Variants in MYO6 observed in about 807,000 individuals in gnomAD.
MYO6 encodes the protein myosin VI, also known as unconventional myosin-VI.
A neutral mutation model predicts 178.7 loss-of-function variants in MYO6; 74 were observed. The ratio of observed to expected loss-of-function variants is 0.41; its 90% CI spans 0.34 to 0.50. MYO6 has a LOEUF of 0.50. Ranked by LOEUF, MYO6 falls within the 20% of genes least tolerant of loss-of-function variation. The pLI is 0.09. For synonymous variants in MYO6, 477 were observed against 504.6 expected (o/e 0.95, Z 0.73); for missense variants, 1,330 against 1,547.4 (o/e 0.86, Z 2.36).
chr6:75,864,069 T>TAAC (rs553965864), intron 16 of MYO6, among the ~76,000 whole-genome samples: 30 of 151,916 alleles, frequency 2.0e-4, no homozygotes, highest in Admixed American at 3.9e-4. Flanking sequence ...ACAACATCAT[T>TAAC]AACAACAACA....
At chr6:75,859,575 C>T (rs1776016032) in intron 14 of MYO6, among the ~76,000 whole-genome samples, 1 of 152,066 alleles carries the variant, frequency 6.6e-6, no homozygotes, top group Non-Finnish European at 1.5e-5. Context: ...TCTGGGCTTA[C>T]AGGCGTGAGC....
chr6:75,827,723 G>C (rs1415648316), intron 3 of MYO6, among the ~76,000 whole-genome samples: 1 of 152,178 alleles, frequency 6.6e-6, no homozygotes, highest in East Asian at 1.9e-4. Context: ...CCATGAGCTG[G>C]CACTGTGCTG....
At chr6:75,760,682 G>A (rs1777867159) in intron 1 of MYO6, among the ~76,000 whole-genome samples, 1 of 150,820 alleles carries the variant, frequency 6.6e-6, no homozygotes, top group African/African-American at 2.4e-5. Flanking sequence ...TGAGAAACAG[G>A]TTTGGAATCA....
At chr6:75,914,782 A>T (rs376467470) in intron 34 of MYO6, 31 bp from the exon 35 acceptor site, 10 of 1,601,728 alleles carry the variant, frequency 6.2e-6, no homozygotes, top group Non-Finnish European at 6.0e-6. Context: ...GAAGAGAGAG[A>T]TGGTAATTTT....
intron 20 of MYO6, among the ~76,000 whole-genome samples, chr6:75,875,919 A>T (rs1282080500): frequency 6.6e-6 from 1 of 152,154 alleles, no homozygotes; most frequent in Admixed American, 6.5e-5. Flanking sequence ...ATGGCTTCAG[A>T]TGAGTATTAG....
At chr6:75,907,499 A>T in intron 30 of MYO6, 106 bp from the exon 31 acceptor site, 1 of 818,874 alleles carries the variant, frequency 1.2e-6, no homozygotes, top group Admixed American at 2.0e-5. Flanking sequence ...ATGTTTTTCT[A>T]GTAGCTGTTT....
chr6:75,870,623 A>G (rs1777068584), intron 18 of MYO6, 24 bp from the exon 19 acceptor site: 1 of 1,604,154 alleles, frequency 6.2e-7, no homozygotes, highest in Non-Finnish European at 8.5e-7. Flanking sequence ...TTGAAATAAT[A>G]AACTGATTTC....
chr6:75,917,301 A>G lies in MYO6; in HGVS notation c.*2289A>G, dbSNP rs1321514587. On this transcript the variant is annotated 3_prime_UTR_variant, in exon 35 of 35. Coordinates refer to ENST00000369977, the MANE Select transcript of MYO6 (RefSeq NM_004999.4). ...TTAAACCACTATATATAAAGAACTA[A>G]TCTTTTCTTAATACCAGTTCTTTCC... 2 of 152,682 alleles carry G rather than the reference A, an allele frequency of 1.3e-5. No homozygotes were observed. Among genetic ancestry groups the G allele is most frequent in the Non-Finnish European group, 2.9e-5 (2 of 68,048 alleles). 9.5% of individuals were successfully genotyped at this position (152,682 alleles called of 1,614,324 possible). A position where few individuals can be genotyped will look rare whatever the true frequency, so the allele number is the denominator to read the frequency against.
intron 1 of MYO6, among the ~76,000 whole-genome samples, chr6:75,784,164 G>A (rs1370529083): frequency 6.6e-6 from 1 of 151,806 alleles, no homozygotes; most frequent in African/African-American, 2.4e-5. Context: ...GTAGAGACGG[G>A]GTTTCACCGT....
intron 1 of MYO6, among the ~76,000 whole-genome samples, chr6:75,794,645 G>A (rs973460017): frequency 6.6e-6 from 1 of 151,008 alleles, no homozygotes; most frequent in Admixed American, 6.6e-5. Context: ...GTGAAGGGAA[G>A]CCCCAGAATA....
chr6:75,841,400 T>C, intron 9 of MYO6, 22 bp downstream of exon 9: 1 of 1,609,700 alleles, frequency 6.2e-7, no homozygotes. Context: ...GAAAAGAAAT[T>C]TCATATAGCC....
At chr6:75,757,249 ATG>A (rs1190728992) in intron 1 of MYO6, among the ~76,000 whole-genome samples, 23 of 147,920 alleles carry the variant, frequency 1.6e-4, no homozygotes, top group Admixed American at 5.4e-4. Context: ...ATACATACAT[ATG>A]TGTGTGTATA....
intron 12 of MYO6, 51 bp downstream of exon 12, chr6:75,855,334 A>G: frequency 6.4e-7 from 1 of 1,573,598 alleles, no homozygotes; most frequent in Non-Finnish European, 8.7e-7. Flanking sequence ...GCAGTTTGTC[A>G]AGGAAAAACA....
rs755485724 is a variant in MYO6, at chr6:75,908,553, A to G, written c.3338A>G (p.His1113Arg). 1 of 1,613,488 alleles carries G rather than the reference A, an allele frequency of 6.2e-7. No individual in the cohort carries two copies. The highest frequency in any genetic ancestry group is 1.7e-5 in the Admixed American group (1 of 59,984). Residue 1113 changes from histidine to arginine, a missense_variant, in exon 32 of 35, where the codon CAT becomes CGT. Physicochemically the swap from His to Arg is conservative, Grantham distance 29. Transcript: ENST00000369977. ...EEFHRRLKVY[H>R]AWKSKNKKRN... ...TTTCATAGGAGACTAAAAGTGTATC[A>G]TGCTTGGAAATCTAAGAACAAGAAG...
chr6:75,828,982 T>C (rs1772781224), intron 4 of MYO6, among the ~76,000 whole-genome samples: 1 of 152,144 alleles, frequency 6.6e-6, no homozygotes, highest in Admixed American at 6.6e-5. Context: ...TGATTCACTT[T>C]CCACATTGTT....
At chr6:75,812,739 A>G (rs1770818616) in intron 1 of MYO6, among the ~76,000 whole-genome samples, 1 of 152,022 alleles carries the variant, frequency 6.6e-6, no homozygotes. Flanking sequence ...ATTTAATGTA[A>G]TGACCTCCAG....
chr6:75,829,226 G>C (rs1451224130), intron 4 of MYO6, among the ~76,000 whole-genome samples: 1 of 152,032 alleles, frequency 6.6e-6, no homozygotes, highest in Admixed American at 6.6e-5. Flanking sequence ...AATAGTCAAG[G>C]TTTACACCAA....
chr6:75,890,398 G>C, intron 26 of MYO6, 133 bp downstream of exon 26: 2 of 1,268,046 alleles, frequency 1.6e-6, no homozygotes. Context: ...CCAGGCTGGA[G>C]TGCAGTGGCG....
intron 1 of MYO6, among the ~76,000 whole-genome samples, chr6:75,773,681 G>T (rs968905751): frequency 8.5e-5 from 13 of 152,262 alleles, no homozygotes; most frequent in Non-Finnish European, 1.5e-4. Flanking sequence ...TTATCATATG[G>T]TTATGCTTCA....
Sources: allele counts gnomAD v4.1 joint callset (sites outside exome capture counted in the v4.1 genomes callset), GRCh38; gene constraint gnomAD v4.1.1; transcripts MANE v1.5; gene names NCBI Gene and HGNC (gene_info 2026-07-23, HGNC 2026-07-21).